Variants in CPAP observed in about 807,000 individuals in gnomAD.
CPAP encodes the protein centrosome assembly and centriole elongation protein.
the CPAP span, chr13:24,910,010 T>C: frequency 9.9e-6 from 16 of 1,613,994 alleles, no homozygotes; most frequent in Non-Finnish European, 1.3e-5. Flanking sequence ...GGAAGCAGCA[T>C]GTGGCTCTCT....
chr13:24,888,147 T>C, the CPAP span, among the ~76,000 whole-genome samples: 2 of 152,092 alleles, frequency 1.3e-5, no homozygotes, highest in Admixed American at 6.6e-5. Flanking sequence ...CAAAAGCGCA[T>C]AGAAGAAAAT....
the CPAP span, among the ~76,000 whole-genome samples, chr13:24,911,559 G>A: frequency 6.6e-6 from 1 of 152,054 alleles, no homozygotes; most frequent in South Asian, 2.1e-4. Flanking sequence ...TGGGGGGACA[G>A]GGTCTCACTC....
chr13:24,897,833 G>T, the CPAP span, among the ~76,000 whole-genome samples: 1 of 152,120 alleles, frequency 6.6e-6, no homozygotes, highest in African/African-American at 2.4e-5. Flanking sequence ...TCTGAATATG[G>T]ACTAAGTATT....
the CPAP span, among the ~76,000 whole-genome samples, chr13:24,890,255 T>G: frequency 0.14 from 20,739 of 152,196 alleles, 1,607 homozygotes; most frequent in East Asian, 0.32. Flanking sequence ...CAAGTGGATA[T>G]CCAGGTGTTA....
the CPAP span, among the ~76,000 whole-genome samples, chr13:24,919,916 AC>A: frequency 6.6e-6 from 1 of 152,042 alleles, no homozygotes; most frequent in East Asian, 1.9e-4. Flanking sequence ...GGTATGTGTC[AC>A]CATGCCCAGC....
the CPAP span, chr13:24,889,372 T>A: frequency 6.2e-7 from 1 of 1,611,550 alleles, no homozygotes; most frequent in South Asian, 1.1e-5. Context: ...TGAAGAAATC[T>A]GACTGTTTTG....
the CPAP span, among the ~76,000 whole-genome samples, chr13:24,923,821 TTTTC>T: frequency 2.9e-4 from 44 of 152,242 alleles, no homozygotes; most frequent in Non-Finnish European, 5.6e-4. Context: ...TCAATTTTTC[TTTTC>T]TTTTTTTAAT....
At chr13:24,923,431 C>G in the CPAP span, among the ~76,000 whole-genome samples, 1 of 152,206 alleles carries the variant, frequency 6.6e-6, no homozygotes, top group African/African-American at 2.4e-5. Flanking sequence ...TCTTTCATCT[C>G]TCCTCAAATG....
the CPAP span, among the ~76,000 whole-genome samples, chr13:24,911,723 G>A: frequency 6.8e-6 from 1 of 146,068 alleles, no homozygotes; most frequent in Admixed American, 6.8e-5. Flanking sequence ...TTTTTTTAAT[G>A]AATAAACATC....
chr13:24,915,811 C>T, the CPAP span, among the ~76,000 whole-genome samples: 97 of 152,172 alleles, frequency 6.4e-4, no homozygotes, highest in Non-Finnish European at 1.0e-3. Flanking sequence ...AAAACAACAA[C>T]AACAACAACA....
At chr13:24,933,730 C>CT in the CPAP span, among the ~76,000 whole-genome samples, 2,600 of 144,808 alleles carry the variant, frequency 0.018, 70 homozygotes, top group African/African-American at 0.054. Context: ...ACCTCTTCTT[C>CT]TTTTTTTTTT....
chr13:24,898,030 G>T, the CPAP span, among the ~76,000 whole-genome samples: 1 of 152,060 alleles, frequency 6.6e-6, no homozygotes, highest in African/African-American at 2.4e-5. Context: ...CATGTACCTG[G>T]GACTACAGGC....
At chr13:24,884,330 T>C in the CPAP span, 1 of 1,614,186 alleles carries the variant, frequency 6.2e-7, no homozygotes, top group South Asian at 1.1e-5. Flanking sequence ...TACCACTCTT[T>C]GGTCTGGCAT....
At chr13:24,896,586 T>A in the CPAP span, among the ~76,000 whole-genome samples, 1 of 152,226 alleles carries the variant, frequency 6.6e-6, no homozygotes, top group South Asian at 2.1e-4. Context: ...GGGAAAGGCA[T>A]CAAGTTGCAA....
chr13:24,883,318 A>G, the CPAP span: 1 of 1,613,940 alleles, frequency 6.2e-7, no homozygotes, highest in Non-Finnish European at 8.5e-7. Flanking sequence ...TGAACTGGGC[A>G]GTATGTAGTT....
At chr13:24,920,516 T>A in the CPAP span, among the ~76,000 whole-genome samples, 1 of 152,180 alleles carries the variant, frequency 6.6e-6, no homozygotes. Context: ...TGTATCACAC[T>A]TTGAGAACCA....
chr13:24,892,927 T>C, the CPAP span: 6 of 1,168,390 alleles, frequency 5.1e-6, no homozygotes, highest in South Asian at 1.3e-5. Context: ...ATTAAAACAA[T>C]AGAAGAATAG....
the CPAP span, among the ~76,000 whole-genome samples, chr13:24,910,408 A>G: frequency 2.0e-5 from 3 of 152,272 alleles, no homozygotes; most frequent in South Asian, 6.2e-4. Context: ...TATTTTTAGA[A>G]CAGATAGGGT....
chr13:24,932,034 C>T, the CPAP span, among the ~76,000 whole-genome samples: 2 of 152,248 alleles, frequency 1.3e-5, no homozygotes, highest in Non-Finnish European at 2.9e-5. Context: ...CGCCTTCTGG[C>T]GACGGTCCCT....
Sources: allele counts gnomAD v4.1 joint callset (sites outside exome capture counted in the v4.1 genomes callset), GRCh38; gene constraint gnomAD v4.1.1; transcripts MANE v1.5; gene names NCBI Gene and HGNC (gene_info 2026-07-23, HGNC 2026-07-21).